Variants in NAV2 observed in about 807,000 individuals in gnomAD.
NAV2 encodes the protein helicase, APC down-regulated 1.
Under a neutral mutation model 223.2 loss-of-function variants are expected in NAV2, and 54 were observed. That is an observed-to-expected ratio of 0.24 (90% CI 0.19 to 0.30). The LOEUF (loss-of-function observed/expected upper bound fraction) is 0.30, where lower values mean the gene tolerates loss of function less well. Among genes scored for constraint, NAV2 ranks in the 10% least tolerant of loss-of-function variants. The pLI is 1.00. For missense variants in NAV2, 2,806 were observed against 3,147.5 expected (o/e 0.89, Z 2.60); for synonymous variants, 1,279 against 1,239.3 (o/e 1.03, Z -0.67).
At chr11:19,627,041 GT>G (rs751364538) in intron 1 of NAV2, among the ~76,000 whole-genome samples, 14 of 152,194 alleles carry the variant, frequency 9.2e-5, no homozygotes, top group Non-Finnish European at 1.8e-4. Flanking sequence ...TGCTAAAGTG[GT>G]GTTTGAAGAA....
intron 1 of NAV2, among the ~76,000 whole-genome samples, chr11:19,779,836 A>C (rs1201840824): frequency 6.6e-6 from 1 of 152,178 alleles, no homozygotes; most frequent in Non-Finnish European, 1.5e-5. Flanking sequence ...TGGGAAAACA[A>C]ACCTTTCTTA....
At chr11:19,692,215 C>A (rs1046136935) in intron 1 of NAV2, among the ~76,000 whole-genome samples, 2 of 152,214 alleles carry the variant, frequency 1.3e-5, no homozygotes, top group African/African-American at 2.4e-5. Flanking sequence ...ACCGGGGTTG[C>A]GGGTGTTGTC....
At chr11:19,900,224 G>A (rs906689864) in intron 6 of NAV2, among the ~76,000 whole-genome samples, 3 of 126,914 alleles carry the variant, frequency 2.4e-5, no homozygotes, top group African/African-American at 7.6e-5. Flanking sequence ...AAGTAGGCAG[G>A]ATGGATTAGA....
At chr11:19,406,718 G>A (rs146337809) in intron 1 of NAV2, among the ~76,000 whole-genome samples, 18 of 152,232 alleles carry the variant, frequency 1.2e-4, no homozygotes, top group African/African-American at 3.9e-4. Flanking sequence ...TAGAGGATCT[G>A]GGCTTCCCTG....
intron 1 of NAV2, among the ~76,000 whole-genome samples, chr11:19,458,051 T>A (rs937015290): frequency 6.6e-6 from 1 of 152,108 alleles, no homozygotes; most frequent in Non-Finnish European, 1.5e-5. Flanking sequence ...CCTCCTATGA[T>A]GGTTTGGCAG....
intron 1 of NAV2, among the ~76,000 whole-genome samples, chr11:19,395,961 C>A (rs1168352932): frequency 6.6e-6 from 1 of 152,168 alleles, no homozygotes; most frequent in Non-Finnish European, 1.5e-5. Context: ...GGAGTATAAT[C>A]TAGGAGAGTT....
At chr11:19,860,032 A>C (rs112953929) in intron 3 of NAV2, among the ~76,000 whole-genome samples, 6 of 85,860 alleles carry the variant, frequency 7.0e-5, no homozygotes, top group Non-Finnish European at 1.2e-4. Context: ...GCGGCTGGCC[A>C]GGCGGGGGGC....
At chr11:19,807,232 G>T (rs1237234713) in intron 1 of NAV2, among the ~76,000 whole-genome samples, 6 of 152,160 alleles carry the variant, frequency 3.9e-5, no homozygotes, top group Non-Finnish European at 8.8e-5. Flanking sequence ...TGACAAATTA[G>T]AATATCCCTT....
chr11:19,519,375 T>C (rs181728314), intron 1 of NAV2, among the ~76,000 whole-genome samples: 138 of 152,350 alleles, frequency 9.1e-4, no homozygotes, highest in Admixed American at 2.6e-3. Context: ...TAACTCTTTA[T>C]GCCTTATTTA....
chr11:20,075,517 A>G (rs542722326), intron 22 of NAV2, among the ~76,000 whole-genome samples: 2 of 152,198 alleles, frequency 1.3e-5, no homozygotes, highest in African/African-American at 2.4e-5. Context: ...CTGGGATTAC[A>G]GGCATGAGCT....
intron 1 of NAV2, among the ~76,000 whole-genome samples, chr11:19,647,000 G>A (rs1293248346): frequency 3.9e-5 from 6 of 152,182 alleles, no homozygotes; most frequent in Non-Finnish European, 1.5e-5. Context: ...GGTGGCAGGA[G>A]TATCAGAAAA....
At chr11:20,032,762 G>T (rs2055903722) in intron 11 of NAV2, among the ~76,000 whole-genome samples, 2 of 152,214 alleles carry the variant, frequency 1.3e-5, no homozygotes. Flanking sequence ...CATTGGGCAG[G>T]GAGCTGGGCT....
intron 35 of NAV2, among the ~76,000 whole-genome samples, chr11:20,106,175 ATGTG>A (rs1201940130): frequency 8.4e-5 from 3 of 35,842 alleles, no homozygotes; most frequent in African/African-American, 2.0e-4. Flanking sequence ...ATATATATAT[ATGTG>A]TGTGTATATA....
At chr11:19,552,405 G>C (rs1430702225) in intron 1 of NAV2, among the ~76,000 whole-genome samples, 1 of 152,114 alleles carries the variant, frequency 6.6e-6, no homozygotes, top group Non-Finnish European at 1.5e-5. Context: ...AGAAACCCAG[G>C]GGTTGTTCCA....
chr11:19,554,983 G>A (rs760500036), intron 1 of NAV2, among the ~76,000 whole-genome samples: 2 of 142,500 alleles, frequency 1.4e-5, no homozygotes, highest in African/African-American at 2.7e-5. Flanking sequence ...TTAAAAATGG[G>A]GTTTCTATCT....
chr11:19,669,380 C>T (rs2048514814), intron 1 of NAV2, among the ~76,000 whole-genome samples: 1 of 152,220 alleles, frequency 6.6e-6, no homozygotes, highest in Non-Finnish European at 1.5e-5. Context: ...AAAAGTGGCT[C>T]TACCATGTAC....
At chr11:19,853,045 G>A (rs1349498858) in intron 3 of NAV2, among the ~76,000 whole-genome samples, 1 of 152,196 alleles carries the variant, frequency 6.6e-6, no homozygotes, top group Admixed American at 6.5e-5. Context: ...TGGTGTTTGG[G>A]TTGGTAAAGC....
chr11:19,755,461 A>G (rs2054161270), intron 1 of NAV2, among the ~76,000 whole-genome samples: 1 of 152,192 alleles, frequency 6.6e-6, no homozygotes, highest in South Asian at 2.1e-4. Context: ...AATACCATGA[A>G]CTGGTGGCTT....
intron 1 of NAV2, among the ~76,000 whole-genome samples, chr11:19,485,033 T>C (rs2042396673): frequency 6.6e-6 from 1 of 151,662 alleles, no homozygotes; most frequent in African/African-American, 2.4e-5. Context: ...TCCTGTGCAC[T>C]AGAGGCCCAG....
Sources: allele counts gnomAD v4.1 joint callset (sites outside exome capture counted in the v4.1 genomes callset), GRCh38; gene constraint gnomAD v4.1.1; transcripts MANE v1.5; gene names NCBI Gene and HGNC (gene_info 2026-07-23, HGNC 2026-07-21).